Variants in MON2 observed in about 807,000 individuals in gnomAD.
The protein encoded by MON2 is protein MON2 homolog.
Under a neutral mutation model 208.6 loss-of-function variants are expected in MON2, and 84 were observed. The observed-to-expected ratio is 0.40, with a 90% confidence interval of 0.34 to 0.48. The LOEUF (loss-of-function observed/expected upper bound fraction) is 0.48, where lower values mean the gene tolerates loss of function less well. MON2 is among the 20% of genes least tolerant of loss of function. The pLI is 0.59. For synonymous variants in MON2, 660 were observed against 694.0 expected, an observed-to-expected ratio of 0.95 and a Z score of 0.77; for missense variants, 1,611 against 2,015.4, an observed-to-expected ratio of 0.80 and a Z score of 3.84.
At chr12:62,478,378 A>G (rs1337815561) in intron 1 of MON2, among the ~76,000 whole-genome samples, 1 of 152,214 alleles carries the variant, frequency 6.6e-6, no homozygotes, top group African/African-American at 2.4e-5. Flanking sequence ...TACTAAAGGT[A>G]GAAAGACTTT....
At chr12:62,508,563 A>G in intron 8 of MON2, 83 bp downstream of exon 8, 1 of 1,273,768 alleles carries the variant, frequency 7.9e-7, no homozygotes, top group Non-Finnish European at 1.1e-6. Flanking sequence ...TAGCGCATTT[A>G]GTTTTTTCAA....
At chr12:62,547,874 G>A (rs946505073) in intron 22 of MON2, among the ~76,000 whole-genome samples, 3 of 152,176 alleles carry the variant, frequency 2.0e-5, no homozygotes, top group Non-Finnish European at 4.4e-5. Flanking sequence ...CCGGTGTGTA[G>A]TAGGTTATAT....
Position 62,593,544 on chromosome 12 carries a change from G to A in MON2, c.*795G>A, listed in dbSNP as rs1472307927. On this transcript the variant is annotated 3_prime_UTR_variant, in exon 35 of 35. Transcript: ENST00000393630. ...CTGATTTTGGAGCTTTGAAATATAG[G>A]TTCTTAATACATTGATACATATTGT... 2 of 152,486 alleles carry A rather than the reference G, an allele frequency of 1.3e-5. No individual in the cohort carries two copies. The highest frequency in any genetic ancestry group is 3.9e-4 in the East Asian group (2 of 5,192). The allele number at this position is 152,486 out of a possible 1,614,324, so 9.4% of individuals were successfully genotyped here.
intron 24 of MON2, among the ~76,000 whole-genome samples, chr12:62,555,694 A>C (rs2073937392): frequency 6.6e-6 from 1 of 151,944 alleles, no homozygotes; most frequent in Non-Finnish European, 1.5e-5. Context: ...CTGTAATCCC[A>C]GCTACTCAGG....
At chr12:62,499,415 C>T (rs1317045672) in intron 5 of MON2, among the ~76,000 whole-genome samples, 1 of 152,002 alleles carries the variant, frequency 6.6e-6, no homozygotes, top group African/African-American at 2.4e-5. Flanking sequence ...GAACTAGTCT[C>T]CTATTGGACA....
In MON2 at chr12:62,600,474, T is replaced by C. The variant is rs2075599338; in HGVS notation, c.*7725T>C. 1 of 152,262 alleles carries C rather than the reference T, an allele frequency of 6.6e-6. No individual in the cohort carries two copies. Among genetic ancestry groups the C allele is most frequent in the Non-Finnish European group, 1.5e-5 (1 of 68,044 alleles). 9.4% of individuals were successfully genotyped at this position (152,262 alleles called of 1,614,324 possible). Reference sequence around the variant, plus strand: ...ATACAATTAAATACTGGTGTATCACTAACAACTGTTTAGACCCTGTTTTTG... The same window carrying C: ...ATACAATTAAATACTGGTGTATCACCAACAACTGTTTAGACCCTGTTTTTG... On this transcript the variant is annotated 3_prime_UTR_variant, in exon 35 of 35. Coordinates refer to ENST00000393630, the MANE Select transcript of MON2 (RefSeq NM_015026.3).
intron 32 of MON2, 121 bp downstream of exon 32, chr12:62,580,541 G>T (rs1307169947): frequency 2.5e-6 from 2 of 791,020 alleles, no homozygotes; most frequent in African/African-American, 1.7e-5. Context: ...TGATTTTTAG[G>T]ATTGTAATAT....
chr12:62,532,538 A>G lies in MON2; in HGVS notation c.1501A>G (p.Ser501Gly). 6.2e-7 allele frequency: 1 copy of G among 1,614,070 alleles called. No individual in the cohort carries two copies. The highest frequency in any genetic ancestry group is 8.5e-7 in the Non-Finnish European group (1 of 1,179,954). ...GCTAGACCTTGTTCGTGGAATCACAAGTATGATTGAAGGAGAGCTAGGAGA... is the reference window on the plus strand; with the variant it reads ...GCTAGACCTTGTTCGTGGAATCACAGGTATGATTGAAGGAGAGCTAGGAGA... ...CLLDLVRGIT[S>G]MIEGELGELE... Residue 501 changes from serine to glycine, a missense_variant, in exon 12 of 35, where the codon AGT becomes GGT. Ser to Gly is a moderately conservative substitution (Grantham distance 56). Coordinates refer to ENST00000393630, the MANE Select transcript of MON2 (RefSeq NM_015026.3).
chr12:62,568,526 A>G (rs1386701023), intron 29 of MON2, among the ~76,000 whole-genome samples: 1 of 151,976 alleles, frequency 6.6e-6, no homozygotes, highest in Non-Finnish European at 1.5e-5. Flanking sequence ...TTTTATAGAG[A>G]CTGGATCTTG....
chr12:62,585,519 T>C lies in MON2; in HGVS notation c.4907+18T>C. On this transcript the variant is annotated intron_variant, in intron 33 of 34. Transcript: ENST00000393630. ...CTTCCAAGGTATATATTTCATTTTA[T>C]TAAAGAAATAAATGTATTGTTGTAC... 1 of 1,515,424 alleles carries C rather than the reference T, an allele frequency of 6.6e-7. No homozygotes were observed. The highest frequency in any genetic ancestry group is 9.0e-7 in the Non-Finnish European group (1 of 1,112,138). The allele number at this position is 1,515,424 out of a possible 1,614,324, so 93.9% of individuals were successfully genotyped here. A position where few individuals can be genotyped will look rare whatever the true frequency, so the allele number is the denominator to read the frequency against.
At chr12:62,583,334 A>C (rs1248779141) in intron 32 of MON2, among the ~76,000 whole-genome samples, 2 of 152,126 alleles carry the variant, frequency 1.3e-5, no homozygotes, top group African/African-American at 4.8e-5. Flanking sequence ...CTCTGTCTCA[A>C]AAACAAAAAA....
At chr12:62,556,337 C>T in intron 25 of MON2, 145 bp downstream of exon 25, 1 of 786,412 alleles carries the variant, frequency 1.3e-6, no homozygotes, top group Non-Finnish European at 2.0e-6. Context: ...TCGTTTGTAC[C>T]TACTGTGGGC....
intron 11 of MON2, among the ~76,000 whole-genome samples, chr12:62,530,262 G>A (rs368154977): frequency 2.3e-3 from 316 of 136,330 alleles, no homozygotes; most frequent in Middle Eastern, 8.1e-3. Context: ...ACGGAGTCTC[G>A]CTCTGTCACC....
chr12:62,597,303 T>C lies in MON2; in HGVS notation c.*4554T>C, dbSNP rs1776905771. 6.6e-6 allele frequency: 1 copy of C among 152,226 alleles called. No homozygotes were observed. The highest frequency in any genetic ancestry group is 2.4e-5 in the African/African-American group (1 of 41,466). 9.4% of individuals were successfully genotyped at this position (152,226 alleles called of 1,614,324 possible). The stretch of plus-strand genomic sequence containing the variant: ...CTTATACTTTCCCCTGATTTTTCTC[T>C]TTTAATTCCTCTTTCATTCTCTGCC... On this transcript the variant is annotated 3_prime_UTR_variant, in exon 35 of 35. Coordinates refer to ENST00000393630, the MANE Select transcript of MON2 (RefSeq NM_015026.3).
rs188684615 is a variant in MON2 at position 62,476,268 on chromosome 12, G to C, written c.112-7902G>C. On this transcript the variant is annotated intron_variant, in intron 1 of 34. Transcript: ENST00000393630. ...GTAGTATTTGTTTTGTGAGCATTTT[G>C]TCACCTAAAGGGTGTTCTAGATGTA... Among the ~76,000 whole-genome samples the C allele has an allele frequency of 1.8e-3, 272 of 152,196 alleles. 6 individuals carry two copies. The highest frequency in any genetic ancestry group is 0.017 in the Admixed American group (254 of 15,286).
At chr12:62,493,607 G>C (rs2070303377) in intron 2 of MON2, among the ~76,000 whole-genome samples, 1 of 152,076 alleles carries the variant, frequency 6.6e-6, no homozygotes, top group South Asian at 2.1e-4. Context: ...GCTTTTTTGA[G>C]GTGGGAAAGA....
chr12:62,556,628 T>C (rs575127524), intron 25 of MON2, among the ~76,000 whole-genome samples: 1 of 152,056 alleles, frequency 6.6e-6, no homozygotes, highest in East Asian at 1.9e-4. Flanking sequence ...AATGAGAGAA[T>C]GTAAAAGAGA....
At chr12:62,501,342 A>G (rs186652694) in intron 6 of MON2, among the ~76,000 whole-genome samples, 1 of 152,326 alleles carries the variant, frequency 6.6e-6, no homozygotes, top group East Asian at 1.9e-4. Context: ...TTAATCATTT[A>G]TCTGTCTACT....
At chr12:62,537,112 A>C (rs749413374) in intron 14 of MON2, 39 bp from the exon 15 acceptor site, 96 of 1,239,752 alleles carry the variant, frequency 7.7e-5, no homozygotes, top group Admixed American at 3.1e-4. Context: ...GCAATATAAA[A>C]ATATATTTTA....
Sources: allele counts gnomAD v4.1 joint callset (sites outside exome capture counted in the v4.1 genomes callset), GRCh38; gene constraint gnomAD v4.1.1; transcripts MANE v1.5; gene names NCBI Gene and HGNC (gene_info 2026-07-23, HGNC 2026-07-21).